MTFR1: variants seen among roughly 807,000 people sequenced by gnomAD.
MTFR1 encodes chondrocyte protein with a poly-proline region.
Under a neutral mutation model 38.8 loss-of-function variants are expected in MTFR1, and 28 were observed. The ratio of observed to expected loss-of-function variants is 0.72; its 90% CI spans 0.53 to 0.99. The LOEUF is 0.99. MTFR1 is among the 50% of genes least tolerant of loss of function. MTFR1 has a pLI of 0.00. For missense variants in MTFR1, 358 were observed against 395.5 expected, an observed-to-expected ratio of 0.91 and a Z score of 0.81; for synonymous variants, 145 against 137.0, an observed-to-expected ratio of 1.06 and a Z score of -0.41.
intron 2 of MTFR1, among the ~76,000 whole-genome samples, chr8:65,680,409 C>T (rs1585771145): frequency 1.3e-5 from 2 of 152,150 alleles, no homozygotes; most frequent in East Asian, 3.9e-4. Context: ...AAATGATCCT[C>T]CTACCTCAGC....
intron 3 of MTFR1, among the ~76,000 whole-genome samples, chr8:65,746,208 ACAGGCATGAGC>A (rs983234893): frequency 6.6e-6 from 1 of 151,726 alleles, no homozygotes; most frequent in African/African-American, 2.4e-5. Context: ...TGCTAGGATT[ACAGGCATGAGC>A]CACTGCACCC....
intron 3 of MTFR1, among the ~76,000 whole-genome samples, chr8:65,754,187 T>A (rs926017625): frequency 6.6e-6 from 1 of 152,052 alleles, no homozygotes; most frequent in Admixed American, 6.5e-5. Context: ...GTCTAGTCTT[T>A]CCATGTTTTT....
intron 1 of MTFR1, among the ~76,000 whole-genome samples, chr8:65,663,350 A>G (rs1804256208): frequency 1.3e-5 from 2 of 151,972 alleles, no homozygotes; most frequent in Non-Finnish European, 2.9e-5. Context: ...GTTAAGAGTC[A>G]TCACCACTCT....
chr8:65,741,971 T>TA (rs1807456187), intron 3 of MTFR1, among the ~76,000 whole-genome samples: 1 of 152,198 alleles, frequency 6.6e-6, no homozygotes, highest in Non-Finnish European at 1.5e-5. Flanking sequence ...ATCAGTCTCT[T>TA]AAAGTGTACT....
At chr8:65,755,652 T>C (rs1278479937) in intron 3 of MTFR1, among the ~76,000 whole-genome samples, 1 of 152,236 alleles carries the variant, frequency 6.6e-6, no homozygotes, top group Non-Finnish European at 1.5e-5. Flanking sequence ...AAAAGAGGTG[T>C]TATAAACCAA....
intron 1 of MTFR1, among the ~76,000 whole-genome samples, chr8:65,651,608 G>A (rs775675118): frequency 6.6e-6 from 1 of 152,116 alleles, no homozygotes; most frequent in Non-Finnish European, 1.5e-5. Context: ...TGAGTTTACT[G>A]TAGACCTATG....
At chr8:65,713,043 T>A (rs1417739079), downstream of MTFR1, among the ~76,000 whole-genome samples, 1 of 152,258 alleles carries the variant, frequency 6.6e-6, no homozygotes, top group East Asian at 1.9e-4. Flanking sequence ...CAAGATGGAA[T>A]GTCTTGGCAA....
chr8:65,707,384 G>T, intron 6 of MTFR1, 128 bp downstream of exon 6: 1 of 943,346 alleles, frequency 1.1e-6, no homozygotes, highest in Non-Finnish European at 1.6e-6. Context: ...AAAAAGATGA[G>T]CCCCAGTGGC....
chr8:65,755,516 C>A (rs935843882), intron 3 of MTFR1, among the ~76,000 whole-genome samples: 1 of 152,170 alleles, frequency 6.6e-6, no homozygotes, highest in East Asian at 1.9e-4. Flanking sequence ...ACAAACACTG[C>A]TCGTATGCAT....
At chr8:65,685,999 G>T (rs992040505) in intron 3 of MTFR1, among the ~76,000 whole-genome samples, 1 of 152,100 alleles carries the variant, frequency 6.6e-6, no homozygotes, top group Admixed American at 6.6e-5. Context: ...CCAAGAGAAG[G>T]TTCCAGTCAG....
chr8:65,746,073 A>G (rs1178008996), intron 3 of MTFR1, among the ~76,000 whole-genome samples: 1 of 151,656 alleles, frequency 6.6e-6, no homozygotes. Context: ...TGGGACTACA[A>G]GCATGTGTTA....
intron 3 of MTFR1, among the ~76,000 whole-genome samples, chr8:65,686,809 GCTA>G (rs1187555326): frequency 1.3e-5 from 2 of 151,518 alleles, no homozygotes; most frequent in African/African-American, 4.9e-5. Context: ...TGTCATCCCA[GCTA>G]CTTAGGAGGC....
chr8:65,769,742 AAAT>A (rs1440424353), intron 3 of MTFR1, among the ~76,000 whole-genome samples: 11 of 152,152 alleles, frequency 7.2e-5, no homozygotes, highest in Non-Finnish European at 1.2e-4. Flanking sequence ...CTGAAAATAC[AAAT>A]ATTAGCCGGG....
chr8:65,671,540 T>TA (rs34214439), intron 2 of MTFR1, among the ~76,000 whole-genome samples: 12,107 of 124,548 alleles, frequency 0.097, 1,402 homozygotes, highest in East Asian at 0.52. Flanking sequence ...ACCCTATCTT[T>TA]AAAAAAAAAA....
chr8:65,699,731 T>C (rs1805554448), intron 4 of MTFR1, among the ~76,000 whole-genome samples: 1 of 152,218 alleles, frequency 6.6e-6, no homozygotes, highest in Non-Finnish European at 1.5e-5. Context: ...TAGTCCTGCC[T>C]GCTCTCTGCC....
intron 1 of MTFR1, among the ~76,000 whole-genome samples, chr8:65,660,774 T>A (rs1170107937): frequency 1.3e-5 from 2 of 152,180 alleles, no homozygotes; most frequent in African/African-American, 2.4e-5. Context: ...CACTGAGATG[T>A]TTAGAGCAGC....
intron 3 of MTFR1, chr8:65,739,621 C>T (rs764399124): frequency 6.8e-7 from 1 of 1,480,266 alleles, no homozygotes; most frequent in African/African-American, 1.4e-5. Context: ...AGAGACATTA[C>T]ATTAGTAGGA....
At chr8:65,688,315 G>A (rs1416926407) in intron 3 of MTFR1, among the ~76,000 whole-genome samples, 1 of 151,338 alleles carries the variant, frequency 6.6e-6, no homozygotes, top group Non-Finnish European at 1.5e-5. Flanking sequence ...CAGGAGAACT[G>A]CTTGAACCCA....
chr8:65,724,443 A>G (rs904186504), intron 3 of MTFR1: 17 of 714,482 alleles, frequency 2.4e-5, no homozygotes, highest in Non-Finnish European at 3.5e-5. Flanking sequence ...TTAACCATAA[A>G]TATAAATAAA....
Sources: allele counts gnomAD v4.1 joint callset (sites outside exome capture counted in the v4.1 genomes callset), GRCh38; gene constraint gnomAD v4.1.1; transcripts MANE v1.5; gene names NCBI Gene and HGNC (gene_info 2026-07-23, HGNC 2026-07-21).